The following KCND2 variants were observed in gnomAD, a reference collection of about 807,000 sequenced individuals.
The protein encoded by KCND2 is A-type voltage-gated potassium channel KCND2.
A neutral mutation model predicts 54.4 loss-of-function variants in KCND2; 16 were observed. The observed-to-expected ratio is 0.29, with a 90% CI of 0.20 to 0.45. The LOEUF (loss-of-function observed/expected upper bound fraction) is 0.45. KCND2 is among the 20% of genes least tolerant of loss of function. The probability of loss-of-function intolerance (pLI) is 1.00; values close to 1 mark genes in which losing one functional copy is unlikely to be tolerated. For missense variants in KCND2, 486 were observed against 824.2 expected (o/e 0.59, Z 5.02); for synonymous variants, 317 against 310.7 (o/e 1.02, Z -0.21).
At chr7:120,729,640 G>C (rs1363599981) in intron 1 of KCND2, among the ~76,000 whole-genome samples, 2 of 152,166 alleles carry the variant, frequency 1.3e-5, no homozygotes, top group African/African-American at 2.4e-5. Flanking sequence ...GAAACTCTGT[G>C]TCTCTACCCA....
At chr7:120,359,600 A>G (rs983845078) in intron 1 of KCND2, among the ~76,000 whole-genome samples, 1 of 152,176 alleles carries the variant, frequency 6.6e-6, no homozygotes, top group Admixed American at 6.6e-5. Flanking sequence ...CCAACTATAA[A>G]TTAAGAAGGT....
chr7:120,439,055 T>C (rs567673604), intron 1 of KCND2, among the ~76,000 whole-genome samples: 1 of 152,234 alleles, frequency 6.6e-6, no homozygotes, highest in Non-Finnish European at 1.5e-5. Context: ...CTTTGCTCTT[T>C]ATATGAAATA....
chr7:120,331,567 G>A (rs1327626118), intron 1 of KCND2, among the ~76,000 whole-genome samples: 1 of 151,696 alleles, frequency 6.6e-6, no homozygotes. Context: ...TATGAGAAAA[G>A]TAAATTTTGC....
Position 120,658,319 on chromosome 7 carries a change from A to G in KCND2, c.1116-74584A>G, listed in dbSNP as rs145829189. ...GTACTCTTTCATGGATTAGATGAAGACCACCATGCAGAATAAGCCCCAAAA... is the reference window on the plus strand; with the variant it reads ...GTACTCTTTCATGGATTAGATGAAGGCCACCATGCAGAATAAGCCCCAAAA... On this transcript the variant is annotated intron_variant, in intron 1 of 5. Coordinates refer to ENST00000331113, the MANE Select transcript of KCND2 (RefSeq NM_012281.3). 4.7e-3 allele frequency among the ~76,000 whole-genome samples: 710 copies of G among 152,264 alleles called. 5 individuals carry two copies. Among genetic ancestry groups the G allele is most frequent in the African/African-American group, 0.016 (683 of 41,544 alleles).
rs192772011 is a variant in KCND2, at chr7:120,511,122, A to G, written c.1116-221781A>G. ...TCTCTTGCTATTTTTTGTACATGTC[A>G]TGAACACTACAAGTTTGTTCCATTT... On this transcript the variant is annotated intron_variant, in intron 1 of 5. Transcript: ENST00000331113. Among the ~76,000 whole-genome samples the G allele has an allele frequency of 2.0e-3, 308 of 151,750 alleles. 2 individuals carry two copies. Among genetic ancestry groups the G allele is most frequent in the Middle Eastern group, 6.8e-3 (2 of 292 alleles).
intron 1 of KCND2, among the ~76,000 whole-genome samples, chr7:120,520,749 G>A (rs1791680830): frequency 1.3e-5 from 2 of 152,070 alleles, no homozygotes; most frequent in Admixed American, 1.3e-4. Flanking sequence ...GAGACACAAA[G>A]GTTTGCATGT....
rs548912553 is a variant in KCND2 at position 120,453,877 on chromosome 7, G to A, written c.1115+178130G>A. On this transcript the variant is annotated intron_variant, in intron 1 of 5. Coordinates refer to ENST00000331113, the MANE Select transcript of KCND2 (RefSeq NM_012281.3). ...CAAGGTGGGCGGATCATGAGGTCAC[G>A]AGATCGAGACCATCCTGGCTAACAT... Among the ~76,000 whole-genome samples the A allele has an allele frequency of 7.9e-5, 12 of 152,260 alleles. No homozygotes were observed. The East Asian group carries it at 2.1e-3, about 27-fold the overall frequency.
chr7:120,371,809 A>G (rs1369146037), intron 1 of KCND2, among the ~76,000 whole-genome samples: 1 of 151,974 alleles, frequency 6.6e-6, no homozygotes, highest in African/African-American at 2.4e-5. Context: ...AATAGGCTAT[A>G]CCATACAGCC....
intron 1 of KCND2, among the ~76,000 whole-genome samples, chr7:120,479,656 T>C (rs904287225): frequency 8.6e-5 from 13 of 151,560 alleles, no homozygotes; most frequent in African/African-American, 3.1e-4. Flanking sequence ...TGGTTTGGTA[T>C]GGTGGCTCAT....
intron 1 of KCND2, among the ~76,000 whole-genome samples, chr7:120,534,172 T>TAG (rs1375688783): frequency 1.3e-5 from 2 of 151,984 alleles, no homozygotes; most frequent in African/African-American, 2.4e-5. Flanking sequence ...ATCCCAAGAG[T>TAG]AGAGTCTGAA....
intron 1 of KCND2, among the ~76,000 whole-genome samples, chr7:120,717,331 C>G (rs1182941364): frequency 6.6e-6 from 1 of 152,080 alleles, no homozygotes; most frequent in Non-Finnish European, 1.5e-5. Context: ...ATACGCAGGA[C>G]AGAAGGTTAA....
At chr7:120,451,398 G>A (rs1022846094) in intron 1 of KCND2, among the ~76,000 whole-genome samples, 2 of 152,142 alleles carry the variant, frequency 1.3e-5, no homozygotes, top group African/African-American at 4.8e-5. Flanking sequence ...TGCAGAAGAA[G>A]TGAGAAATCA....
intron 1 of KCND2, among the ~76,000 whole-genome samples, chr7:120,651,857 C>A (rs747724967): frequency 5.9e-5 from 9 of 152,114 alleles, no homozygotes; most frequent in Non-Finnish European, 1.0e-4. Flanking sequence ...TTTAAGTTGG[C>A]CTGAAAGGTA....
chr7:120,321,770 A>T (rs1370081866), intron 1 of KCND2, among the ~76,000 whole-genome samples: 2 of 152,068 alleles, frequency 1.3e-5, no homozygotes, highest in Non-Finnish European at 2.9e-5. Context: ...TTGCTGTTCC[A>T]TATTTCATGA....
At chr7:120,330,318 G>A (rs969643200) in intron 1 of KCND2, among the ~76,000 whole-genome samples, 4 of 151,946 alleles carry the variant, frequency 2.6e-5, no homozygotes, top group South Asian at 2.1e-4. Flanking sequence ...GGTGGCTCAC[G>A]CCTGTAATCC....
At chr7:120,572,177 C>CTT (rs201166496) in intron 1 of KCND2, among the ~76,000 whole-genome samples, 1 of 139,260 alleles carries the variant, frequency 7.2e-6, no homozygotes. Flanking sequence ...ACTATGAATG[C>CTT]TTTTTTTTTT....
intron 1 of KCND2, among the ~76,000 whole-genome samples, chr7:120,459,282 C>T (rs1802246903): frequency 6.6e-6 from 1 of 152,096 alleles, no homozygotes; most frequent in Admixed American, 6.6e-5. Flanking sequence ...TTGTTCTTGG[C>T]TCTTATTGTG....
intron 1 of KCND2, among the ~76,000 whole-genome samples, chr7:120,450,217 C>G (rs2116215357): frequency 6.6e-6 from 1 of 152,238 alleles, no homozygotes; most frequent in African/African-American, 2.4e-5. Flanking sequence ...TCGAGACCAT[C>G]CTGGCCAAAT....
intron 1 of KCND2, among the ~76,000 whole-genome samples, chr7:120,677,532 T>G (rs958838922): frequency 2.7e-4 from 37 of 138,150 alleles, no homozygotes; most frequent in African/African-American, 1.1e-3. Flanking sequence ...TATATATAGA[T>G]ATAGATATAG....
Sources: gnomAD v4.1 joint callset for allele counts (sites outside exome capture counted in the v4.1 genomes callset) on GRCh38, gnomAD v4.1.1 for gene constraint, MANE v1.5 for transcripts, NCBI Gene and HGNC (gene_info 2026-07-23, HGNC 2026-07-21) for gene names.